The following ASIC2 variants were observed in gnomAD, a reference collection of about 807,000 sequenced individuals.
The protein encoded by ASIC2 is acid-sensing ion channel 2.
In ASIC2, 25 loss-of-function variants were observed where a neutral mutation model predicts 57.3. That is an observed-to-expected ratio of 0.44 (90% CI 0.32 to 0.61). ASIC2 has a LOEUF of 0.61. Among genes scored for constraint, ASIC2 ranks in the 20% least tolerant of loss-of-function variants. ASIC2 has a pLI of 0.06. For missense variants in ASIC2, 641 were observed against 738.1 expected (o/e 0.87, Z 1.52); for synonymous variants, 319 against 307.5 (o/e 1.04, Z -0.39).
intron 1 of ASIC2, among the ~76,000 whole-genome samples, chr17:33,498,416 T>G (rs2141940073): frequency 6.6e-6 from 1 of 152,320 alleles, no homozygotes; most frequent in South Asian, 2.1e-4. Flanking sequence ...CACGGGAGTT[T>G]GGAGGCTCTT....
At chr17:33,058,792 T>A (rs917160369) in intron 3 of ASIC2, among the ~76,000 whole-genome samples, 1 of 152,172 alleles carries the variant, frequency 6.6e-6, no homozygotes, top group African/African-American at 2.4e-5. Context: ...AAGGAAAGAA[T>A]TAAAATTAGC....
intron 1 of ASIC2, among the ~76,000 whole-genome samples, chr17:33,195,852 G>T (rs1906605066): frequency 6.6e-6 from 1 of 152,166 alleles, no homozygotes; most frequent in Non-Finnish European, 1.5e-5. Flanking sequence ...CATAGAGTGG[G>T]CTGTGGCACT....
chr17:33,400,006 A>G (rs1195672342), intron 1 of ASIC2, among the ~76,000 whole-genome samples: 2 of 152,262 alleles, frequency 1.3e-5, no homozygotes, highest in African/African-American at 4.8e-5. Context: ...CTGGGTTACC[A>G]TAGAGACCTG....
Position 33,013,704 on chromosome 17 carries a change from T to C in ASIC2, c.*261A>G. The C allele has an allele frequency of 2.0e-6, 1 of 503,526 alleles. No individual in the cohort carries two copies. Among genetic ancestry groups the C allele is most frequent in the Non-Finnish European group, 3.6e-6 (1 of 278,852 alleles). The allele number at this position is 503,526 out of a possible 1,614,324, so 31.2% of individuals were successfully genotyped here. On this transcript the variant is annotated 3_prime_UTR_variant, in exon 10 of 10. Coordinates refer to ENST00000225823, the MANE Select transcript of ASIC2 (RefSeq NM_183377.2). ...TGCAGGTGCTTTATACATCTGGCAGTGAGATGTGATGGCAGGTTCGTTCTT... is the reference window on the plus strand; with the variant it reads ...TGCAGGTGCTTTATACATCTGGCAGCGAGATGTGATGGCAGGTTCGTTCTT...
At chr17:34,022,963 T>C (rs575605689) in intron 1 of ASIC2, among the ~76,000 whole-genome samples, 3 of 152,266 alleles carry the variant, frequency 2.0e-5, no homozygotes, top group East Asian at 3.9e-4. Flanking sequence ...TAAAAGTGTG[T>C]GGCACCTCCC....
Position 34,126,136 on chromosome 17 carries a change from G to T in ASIC2, c.555+29842C>A, listed in dbSNP as rs1003837. On this transcript the variant is annotated intron_variant, in intron 1 of 9. Transcript: ENST00000359872. Reference sequence around the variant, plus strand: ...GACATAGAGGACCCAGTGGAGGACTGAAGGCTCCAGGGGAAGACAGAGCCA... The same window carrying T: ...GACATAGAGGACCCAGTGGAGGACTTAAGGCTCCAGGGGAAGACAGAGCCA... 2.9e-3 allele frequency among the ~76,000 whole-genome samples: 440 copies of T among 152,294 alleles called. 1 individual carries two copies. The highest frequency in any genetic ancestry group is 6.8e-3 in the Middle Eastern group (2 of 294).
chr17:33,062,259 G>A (rs2092023936), intron 3 of ASIC2, among the ~76,000 whole-genome samples: 1 of 152,146 alleles, frequency 6.6e-6, no homozygotes, highest in Non-Finnish European at 1.5e-5. Context: ...ATGTTAGGGT[G>A]TCAATTTTAG....
chr17:33,980,031 C>G (rs1173086590), intron 1 of ASIC2, among the ~76,000 whole-genome samples: 8 of 152,136 alleles, frequency 5.3e-5, no homozygotes, highest in African/African-American at 9.7e-5. Flanking sequence ...TGGGCTCCAG[C>G]TGGGGTGAGC....
At chr17:33,324,508 G>A (rs1443173979) in intron 1 of ASIC2, among the ~76,000 whole-genome samples, 4 of 152,042 alleles carry the variant, frequency 2.6e-5, no homozygotes, top group Admixed American at 6.5e-5. Flanking sequence ...ATATGAGGAG[G>A]CATTGTATTC....
chr17:33,652,452 T>C (rs190479956), intron 1 of ASIC2, among the ~76,000 whole-genome samples: 1 of 152,332 alleles, frequency 6.6e-6, no homozygotes, highest in Non-Finnish European at 1.5e-5. Context: ...TATTCAATCC[T>C]CGCAATAACT....
intron 1 of ASIC2, among the ~76,000 whole-genome samples, chr17:34,108,561 T>G (rs529796737): frequency 7.2e-5 from 11 of 152,282 alleles, no homozygotes; most frequent in African/African-American, 2.6e-4. Flanking sequence ...CGTTATATGG[T>G]GTATCGTGGT....
chr17:33,647,275 G>A (rs971204336), intron 1 of ASIC2, among the ~76,000 whole-genome samples: 3 of 152,182 alleles, frequency 2.0e-5, no homozygotes, highest in Non-Finnish European at 4.4e-5. Context: ...CAAGGATCCA[G>A]CCCACTCCTT....
intron 1 of ASIC2, among the ~76,000 whole-genome samples, chr17:33,298,852 G>A (rs933587846): frequency 1.2e-4 from 18 of 152,170 alleles, no homozygotes; most frequent in African/African-American, 1.7e-4. Context: ...GCTTCAAAGC[G>A]AATAAAATAC....
chr17:33,533,203 T>G (rs377295001), intron 1 of ASIC2, among the ~76,000 whole-genome samples: 3 of 151,900 alleles, frequency 2.0e-5, no homozygotes, highest in African/African-American at 7.3e-5. Flanking sequence ...AAAATTAGCC[T>G]GGTGTGGTGC....
intron 1 of ASIC2, among the ~76,000 whole-genome samples, chr17:33,635,537 T>C (rs528967475): frequency 1.3e-5 from 2 of 152,344 alleles, no homozygotes; most frequent in Admixed American, 6.5e-5. Flanking sequence ...AAGTGGGAGA[T>C]AGCATTTAAT....
chr17:33,243,162 T>C (rs146131777), intron 1 of ASIC2, among the ~76,000 whole-genome samples: 1 of 152,178 alleles, frequency 6.6e-6, no homozygotes, highest in Non-Finnish European at 1.5e-5. Context: ...AAGTTGTACA[T>C]TGATGGACAC....
At chr17:33,647,759 A>G (rs1597820636) in intron 1 of ASIC2, among the ~76,000 whole-genome samples, 1 of 152,242 alleles carries the variant, frequency 6.6e-6, no homozygotes, top group Non-Finnish European at 1.5e-5. Context: ...TCATTGATCT[A>G]TCTACTTAAT....
At chr17:34,038,569 C>T in intron 1 of ASIC2, 11 of 1,609,166 alleles carry the variant, frequency 6.8e-6, no homozygotes, top group Non-Finnish European at 7.6e-6. Context: ...TGTCATTTAG[C>T]GTTGGATGAT....
intron 1 of ASIC2, among the ~76,000 whole-genome samples, chr17:33,123,018 G>T (rs1293609964): frequency 6.6e-6 from 1 of 152,200 alleles, no homozygotes; most frequent in African/African-American, 2.4e-5. Flanking sequence ...GTAGAGAAAA[G>T]GGAACATGTG....
Sources: allele counts gnomAD v4.1 joint callset (sites outside exome capture counted in the v4.1 genomes callset), GRCh38; gene constraint gnomAD v4.1.1; transcripts MANE v1.5; gene names NCBI Gene and HGNC (gene_info 2026-07-23, HGNC 2026-07-21).